The following TRPM4 variants were observed in gnomAD, a reference collection of about 807,000 sequenced individuals.
TRPM4 encodes the protein calcium-activated non-selective cation channel 1.
Under a neutral mutation model 135.6 loss-of-function variants are expected in TRPM4, and 124 were observed. The ratio of observed to expected loss-of-function variants is 0.91; its 90% confidence interval spans 0.79 to 1.06. The LOEUF is 1.06. Ranked by LOEUF, TRPM4 falls within the 50% of genes least tolerant of loss-of-function variation. TRPM4 has a pLI of 0.00. For missense variants in TRPM4, 1,658 were observed against 1,671.4 expected (o/e 0.99, Z 0.14); for synonymous variants, 745 against 705.6 (o/e 1.06, Z -0.88).
At chr19:49,204,623 G>A (rs1398659750) in intron 20 of TRPM4, among the ~76,000 whole-genome samples, 2 of 151,874 alleles carry the variant, frequency 1.3e-5, no homozygotes, top group Admixed American at 1.3e-4. Context: ...TCAACCTCCT[G>A]GGCTCAAGTG....
Position 49,210,498 on chromosome 19 carries a change from G to A in TRPM4, c.3328+93G>A. On this transcript the variant is annotated intron_variant, in intron 21 of 24. Transcript: ENST00000252826. This position sits in a 1 kb window ranked among gnomAD's most constrained non-coding sequence, Gnocchi z 4.1. ...GGGGCATGCCCCAAATGACTAACGG[G>A]CGTGGCTTAGGTAGCGAGGGGCGGG... 6 of 1,511,478 alleles carry A rather than the reference G, an allele frequency of 4.0e-6. No homozygotes were observed. Among genetic ancestry groups the A allele is most frequent in the Non-Finnish European group, 5.4e-6 (6 of 1,107,574 alleles). The allele number at this position is 1,511,478 out of a possible 1,614,324, so 93.6% of individuals were successfully genotyped here.
At chr19:49,194,649 CTT>C (rs1164897559) in intron 16 of TRPM4, among the ~76,000 whole-genome samples, 1 of 83,056 alleles carries the variant, frequency 1.2e-5, no homozygotes, top group East Asian at 2.6e-4. Context: ...TTCTCTCTCT[CTT>C]TCTCTCTCTG....
chr19:49,188,803 G>C (rs201363688), intron 13 of TRPM4, 33 bp downstream of exon 13: 3 of 1,613,212 alleles, frequency 1.9e-6, no homozygotes, highest in East Asian at 2.2e-5. Flanking sequence ...GAGCAGGGAC[G>C]GGGGCTGCCG....
Position 49,200,688 on chromosome 19 carries a change from GA to G in TRPM4, c.2857del (p.Arg953GlyfsTer170), listed in dbSNP as rs1568489220. The G allele has an allele frequency of 7.4e-6, 12 of 1,613,958 alleles. No individual in the cohort carries two copies. Among genetic ancestry groups the G allele is most frequent in the African/African-American group, 1.3e-5 (1 of 74,912 alleles). On this transcript the variant is annotated frameshift_variant, in exon 19 of 25. Coordinates refer to ENST00000252826, the MANE Select transcript of TRPM4 (RefSeq NM_017636.4). LOFTEE classifies it high-confidence loss of function. Reference sequence around the variant, plus strand: ...ATGGCGTGGCCACGGAGGGGCTCCTGAGGCCACGGGACAGTGACTTCCCAAG... The same window carrying G: ...ATGGCGTGGCCACGGAGGGGCTCCTGGGCCACGGGACAGTGACTTCCCAAG... ...AYGVATEGLL[R>X]PRDSDFPSIL...
In TRPM4 at chr19:49,181,775, G is replaced by A. The variant is rs369640427; in HGVS notation, c.1263+314G>A. On this transcript the variant is annotated intron_variant, in intron 10 of 24. Transcript: ENST00000252826. ...TCTCGATCTCCTGACCTTGTGATCCGCCCGCCTCAGGCTCCCAAAGTGCTG... is the reference window on the plus strand; with the variant it reads ...TCTCGATCTCCTGACCTTGTGATCCACCCGCCTCAGGCTCCCAAAGTGCTG... Among the ~76,000 whole-genome samples, 22 of 151,772 alleles carry A rather than the reference G, an allele frequency of 1.4e-4. No individual in the cohort carries two copies. The East Asian group carries it at 2.5e-3, about 17-fold the overall frequency.
intron 6 of TRPM4, among the ~76,000 whole-genome samples, chr19:49,170,113 A>AT (rs1343643076): frequency 6.6e-6 from 1 of 152,122 alleles, no homozygotes; most frequent in Non-Finnish European, 1.5e-5. Context: ...CAGTGATTTC[A>AT]TTTTTTTGCA....
chr19:49,163,204 T>A (rs556341516), intron 2 of TRPM4, among the ~76,000 whole-genome samples: 5,088 of 150,494 alleles, frequency 0.034, 128 homozygotes, highest in African/African-American at 0.065. Context: ...TATTATTTTT[T>A]TTTTTTTTTG....
chr19:49,185,735 T>C (rs1027248084), intron 12 of TRPM4, among the ~76,000 whole-genome samples: 5 of 152,096 alleles, frequency 3.3e-5, no homozygotes, highest in Non-Finnish European at 5.9e-5. Context: ...TTAGTGACTT[T>C]TCTTTTTTCT....
chr19:49,182,957 G>T (rs762859351), intron 11 of TRPM4, 35 bp downstream of exon 11: 1 of 1,583,914 alleles, frequency 6.3e-7, no homozygotes, highest in South Asian at 1.1e-5. Flanking sequence ...GCCCCCCCGC[G>T]CGGGAAGGAC....
intron 2 of TRPM4, among the ~76,000 whole-genome samples, chr19:49,161,278 G>A (rs1008178874): frequency 6.7e-6 from 1 of 149,958 alleles, no homozygotes; most frequent in Non-Finnish European, 1.5e-5. Context: ...GTGTGTGTGT[G>A]TGTTTAGAAG....
chr19:49,191,269 A>T (rs1263479379), intron 16 of TRPM4, among the ~76,000 whole-genome samples: 1 of 149,838 alleles, frequency 6.7e-6, no homozygotes, highest in Non-Finnish European at 1.5e-5. Flanking sequence ...GCAGTGGTAC[A>T]ATCTTGGCTC....
intron 16 of TRPM4, among the ~76,000 whole-genome samples, chr19:49,193,818 T>C (rs1249557851): frequency 1.3e-5 from 2 of 152,162 alleles, no homozygotes; most frequent in African/African-American, 4.8e-5. Context: ...CTAGGAGTTC[T>C]TAGTTTCTGT....
intron 2 of TRPM4, among the ~76,000 whole-genome samples, chr19:49,165,393 G>T (rs576091632): frequency 3.3e-5 from 5 of 152,256 alleles, no homozygotes; most frequent in African/African-American, 9.6e-5. Flanking sequence ...CTTGACAGTC[G>T]TCAGGAGAAC....
rs73048855 is a variant in TRPM4 at position 49,166,304 on chromosome 19, C to G, written c.267+89C>G. The stretch of plus-strand genomic sequence containing the variant: ...TGGAGCCGGGACGCCCGCCCTGAAC[C>G]CTGGCCCCTCCGCCCATCCCTGTCT... On this transcript the variant is annotated intron_variant, in intron 3 of 24. Transcript: ENST00000252826. The G allele has an allele frequency of 0.067, 90,738 of 1,360,156 alleles. 3,474 individuals are homozygous for G. Among genetic ancestry groups the G allele is most frequent in the African/African-American group, 0.14 (9,574 of 68,962 alleles). The allele number at this position is 1,360,156 out of a possible 1,614,324, so 84.3% of individuals were successfully genotyped here.
At chr19:49,182,293 C>T (rs1015455251) in intron 10 of TRPM4, among the ~76,000 whole-genome samples, 6 of 147,848 alleles carry the variant, frequency 4.1e-5, no homozygotes, top group African/African-American at 1.5e-4. Flanking sequence ...TCTACCTATC[C>T]GTTCATCCAT....
chr19:49,158,069 C>T, intron 1 of TRPM4, 123 bp from the exon 2 acceptor site: 4 of 1,285,968 alleles, frequency 3.1e-6, no homozygotes, highest in Non-Finnish European at 1.1e-6. Flanking sequence ...AGCGGGAGGG[C>T]GCTGGGGGCC....
chr19:49,200,888 C>G, intron 19 of TRPM4, 103 bp downstream of exon 19: 13 of 1,286,590 alleles, frequency 1.0e-5, no homozygotes, highest in Non-Finnish European at 1.4e-5. Flanking sequence ...CTCTGAGTCT[C>G]TGTCTCCCTC....
In TRPM4 at chr19:49,196,559, G is replaced by A. The variant is rs771427749; in HGVS notation, c.2330G>A (p.Gly777Asp). 21 of 1,554,252 alleles carry A rather than the reference G, an allele frequency of 1.4e-5. No individual in the cohort carries two copies. The highest frequency in any genetic ancestry group is 1.7e-5 in the Non-Finnish European group (20 of 1,152,678). ...CTACGCCGCTGGTTCCACTTCTGGG[G>A]CGCGCCGGTGACCATCTTCATGGGC... ...RCLRRWFHFW[G>D]APVTIFMGNV... Residue 777 changes from glycine (G) to aspartate (D), a missense_variant, in exon 17 of 25, where the codon GGC becomes GAC. Around this residue, in one of 3 missense-constraint regions of TRPM4, gnomAD observed 1,412 missense variants for 1,408.7 expected, o/e 1.00. Transcript: ENST00000252826.
Position 49,172,046 on chromosome 19 carries a change from T to G in TRPM4, c.1088T>G (p.Val363Gly), listed in dbSNP as rs766268495. ...ATGACCCGGAAGGAGCTCCTGACAG[T>G]CTATTCTTCTGAGGATGGGTCTGAG... ...RIMTRKELLT[V>G]YSSEDGSEEF... The change falls in exon 9 of 25, where the codon GTC (valine) becomes GGC (glycine). Residue 363 changes from valine (V) to glycine (G), a missense_variant. This residue lies in a region of TRPM4 where 1,412 missense variants were observed against 1,408.7 expected (regional missense o/e 1.00). Coordinates refer to ENST00000252826, the MANE Select transcript of TRPM4 (RefSeq NM_017636.4). 6.2e-7 allele frequency: 1 copy of G among 1,613,770 alleles called. No homozygotes were observed. The highest frequency in any genetic ancestry group is 8.5e-7 in the Non-Finnish European group (1 of 1,179,938).
Sources: allele counts gnomAD v4.1 joint callset (sites outside exome capture counted in the v4.1 genomes callset), GRCh38; gene constraint gnomAD v4.1.1; regional missense constraint gnomAD v4.1.1; non-coding constraint Gnocchi (gnomAD v3.1); transcripts MANE v1.5; gene names NCBI Gene and HGNC (gene_info 2026-07-23, HGNC 2026-07-21).